Variants in ARHGAP5 observed in about 807,000 individuals in gnomAD.
ARHGAP5 encodes rho GTPase-activating protein 5.
ARHGAP5 carries 23 observed loss-of-function variants against 116.6 expected under a neutral mutation model. The observed-to-expected ratio is 0.20, with a 90% CI of 0.14 to 0.28. The LOEUF (loss-of-function observed/expected upper bound fraction) is 0.28, where lower values mean the gene tolerates loss of function less well. ARHGAP5 is among the 10% of genes least tolerant of loss of function. ARHGAP5 has a pLI of 1.00. For missense variants in ARHGAP5, 1,405 were observed against 1,774.8 expected (o/e 0.79, Z 3.74); for synonymous variants, 574 against 602.0 (o/e 0.95, Z 0.68).
intron 4 of ARHGAP5, among the ~76,000 whole-genome samples, chr14:32,147,979 C>T (rs557859199): frequency 4.6e-5 from 7 of 152,194 alleles, no homozygotes; most frequent in South Asian, 2.1e-4. Flanking sequence ...ACAGTGAAAC[C>T]CCATCTGTAC....
At chr14:32,079,950 A>G (rs1264608940) in intron 1 of ARHGAP5, among the ~76,000 whole-genome samples, 1 of 152,148 alleles carries the variant, frequency 6.6e-6, no homozygotes, top group African/African-American at 2.4e-5. Flanking sequence ...CCTAAAAGAT[A>G]CTTGTATTAT....
chr14:32,150,691 C>A (rs560723255), intron 5 of ARHGAP5, among the ~76,000 whole-genome samples: 1 of 152,348 alleles, frequency 6.6e-6, no homozygotes, highest in South Asian at 2.1e-4. Context: ...GATATAGTCA[C>A]CTCTTAAAGA....
chr14:32,140,094 G>GTTTTTT (rs1566681674), intron 3 of ARHGAP5, among the ~76,000 whole-genome samples: 1 of 32,444 alleles, frequency 3.1e-5, no homozygotes, highest in African/African-American at 1.4e-4. Flanking sequence ...TAGGTTATTT[G>GTTTTTT]TTCTTTTTTT....
intron 3 of ARHGAP5, among the ~76,000 whole-genome samples, chr14:32,133,478 T>G (rs1880616158): frequency 2.0e-5 from 3 of 152,228 alleles, no homozygotes; most frequent in Non-Finnish European, 4.4e-5. Flanking sequence ...GAGGAGATTT[T>G]GGGCTGAGAC....
At chr14:32,120,365 T>C (rs1485257262) in intron 3 of ARHGAP5, among the ~76,000 whole-genome samples, 2 of 152,010 alleles carry the variant, frequency 1.3e-5, no homozygotes, top group Admixed American at 6.5e-5. Flanking sequence ...GACTAGCTTT[T>C]GCTTTTATTG....
rs745725091 is a variant in ARHGAP5, at chr14:32,158,946, CATT to C, written c.*3999_*4001del. ...TCTTCACTATTCAATTGATCCTCAT[CATT>C]GTCCTATTTGCATGACTCCATTTTT... On this transcript the variant is annotated 3_prime_UTR_variant, in exon 7 of 7. Coordinates refer to ENST00000345122, the MANE Select transcript of ARHGAP5 (RefSeq NM_001030055.2). 11 of 152,012 alleles carry C rather than the reference CATT, an allele frequency of 7.2e-5. No homozygotes were observed. Among genetic ancestry groups the C allele is most frequent in the Non-Finnish European group, 1.5e-4 (10 of 67,918 alleles). 9.4% of individuals were successfully genotyped at this position (152,012 alleles called of 1,614,324 possible).
At chr14:32,081,779 T>C (rs1490137630) in intron 1 of ARHGAP5, among the ~76,000 whole-genome samples, 11 of 152,184 alleles carry the variant, frequency 7.2e-5, no homozygotes. Context: ...TCATTTTCTT[T>C]CTGTTGATCA....
chr14:32,112,352 G>A (rs1879352781), intron 2 of ARHGAP5, among the ~76,000 whole-genome samples: 1 of 152,172 alleles, frequency 6.6e-6, no homozygotes, highest in South Asian at 2.1e-4. Context: ...TAAGTAGGAA[G>A]AGCAGTTTCT....
chr14:32,128,449 A>G (rs949818421), intron 3 of ARHGAP5, among the ~76,000 whole-genome samples: 2 of 152,378 alleles, frequency 1.3e-5, no homozygotes, highest in South Asian at 4.1e-4. Flanking sequence ...CCTTGTCACC[A>G]TGAGACCCTG....
intron 2 of ARHGAP5, among the ~76,000 whole-genome samples, chr14:32,107,177 A>G (rs190631345): frequency 2.6e-5 from 4 of 152,238 alleles, no homozygotes; most frequent in Non-Finnish European, 4.4e-5. Context: ...TGCACATAGT[A>G]TAGTAATTTC....
rs766625807 is a variant in ARHGAP5 at position 32,092,354 on chromosome 14, A to G, written c.1685A>G (p.Asn562Ser). Residue 562 changes from asparagine to serine, a missense_variant, in exon 2 of 7, where the codon AAT (asparagine) becomes AGT (serine). Asn to Ser is a conservative substitution (Grantham distance 46). Transcript: ENST00000345122. This position sits in a 1 kb window ranked among gnomAD's most constrained non-coding sequence, Gnocchi z 4.1. ...PTKETCLSGQ[N>S]CTDIKVEQLL... The stretch of plus-strand genomic sequence containing the variant: ...AAAGAAACATGTCTTAGTGGCCAAA[A>G]TTGTACAGACATTAAAGTGGAGCAG... The G allele has an allele frequency of 5.0e-6, 8 of 1,613,630 alleles. No homozygotes were observed. The Admixed American group carries it at 1.3e-4, about 27-fold the overall frequency.
intron 2 of ARHGAP5, among the ~76,000 whole-genome samples, chr14:32,107,873 A>G (rs931714131): frequency 5.9e-5 from 9 of 152,252 alleles, no homozygotes; most frequent in Non-Finnish European, 1.3e-4. Context: ...TTGGGATTAG[A>G]TAAATTCACA....
chr14:32,136,310 A>G (rs145044321), intron 3 of ARHGAP5, among the ~76,000 whole-genome samples: 155 of 152,322 alleles, frequency 1.0e-3, no homozygotes, highest in Admixed American at 2.7e-3. Flanking sequence ...AGCCCTTGCA[A>G]CCAATCTGCT....
chr14:32,131,042 T>C (rs1880458400), intron 3 of ARHGAP5, among the ~76,000 whole-genome samples: 1 of 152,188 alleles, frequency 6.6e-6, no homozygotes, highest in South Asian at 2.1e-4. Context: ...TCATTTAGCA[T>C]AGATTTCCCC....
At chr14:32,136,067 A>G (rs1340014216) in intron 3 of ARHGAP5, among the ~76,000 whole-genome samples, 1 of 152,190 alleles carries the variant, frequency 6.6e-6, no homozygotes, top group African/African-American at 2.4e-5. Context: ...CAATAAGTTT[A>G]TATACTACTA....
At chr14:32,128,523 G>A (rs1361939455) in intron 3 of ARHGAP5, among the ~76,000 whole-genome samples, 4 of 152,214 alleles carry the variant, frequency 2.6e-5, no homozygotes, top group Admixed American at 2.0e-4. Flanking sequence ...TGCTATCTGC[G>A]TGTCGGCTAT....
intron 3 of ARHGAP5, among the ~76,000 whole-genome samples, chr14:32,134,686 G>T (rs1880693274): frequency 6.6e-6 from 1 of 152,072 alleles, no homozygotes; most frequent in Admixed American, 6.6e-5. Flanking sequence ...GCACAGAGTG[G>T]GCATTTAAGG....
chr14:32,087,481 C>T (rs1430118247), intron 1 of ARHGAP5, among the ~76,000 whole-genome samples: 5 of 143,726 alleles, frequency 3.5e-5, no homozygotes, highest in Non-Finnish European at 6.1e-5. Flanking sequence ...CCCCGCCCGC[C>T]CTCCCCCGCT....
intron 3 of ARHGAP5, among the ~76,000 whole-genome samples, chr14:32,130,025 T>C (rs1408699429): frequency 1.3e-5 from 2 of 151,996 alleles, no homozygotes; most frequent in Non-Finnish European, 2.9e-5. Flanking sequence ...ATCACAGTAC[T>C]GCATTCCAGC....
Sources: gnomAD v4.1 joint callset for allele counts (sites outside exome capture counted in the v4.1 genomes callset) on GRCh38, gnomAD v4.1.1 for gene constraint, Gnocchi (gnomAD v3.1) non-coding constraint, MANE v1.5 for transcripts, NCBI Gene and HGNC (gene_info 2026-07-23, HGNC 2026-07-21) for gene names.